ZFAND3: variants seen among roughly 807,000 people sequenced by gnomAD.
ZFAND3 encodes zinc finger AN1-type containing 3, also known as AN1-type zinc finger protein 3.
Under a neutral mutation model 29.6 loss-of-function variants are expected in ZFAND3, and 10 were observed. The observed-to-expected ratio is 0.34, with a 90% CI of 0.21 to 0.57. The LOEUF is 0.57. Among genes scored for constraint, ZFAND3 ranks in the 20% least tolerant of loss-of-function variants. The probability of loss-of-function intolerance (pLI) is 0.86; values close to 1 mark genes in which losing one functional copy is unlikely to be tolerated. For synonymous variants in ZFAND3, 128 were observed against 112.6 expected, an observed-to-expected ratio of 1.14 and a Z score of -0.87; for missense variants, 230 against 304.5, an observed-to-expected ratio of 0.76 and a Z score of 1.82.
At chr6:38,144,196 T>TATTATATATATATATATATATATA (rs1766033987) in intron 5 of ZFAND3, among the ~76,000 whole-genome samples, 1 of 41,094 alleles carries the variant, frequency 2.4e-5, no homozygotes, top group African/African-American at 1.1e-4. Context: ...TATATATATA[T>TATTATATATATATATATATATATA]ATATATATAT....
At chr6:37,899,248 C>T (rs1354679824) in intron 1 of ZFAND3, among the ~76,000 whole-genome samples, 1 of 152,120 alleles carries the variant, frequency 6.6e-6, no homozygotes, top group South Asian at 2.1e-4. Flanking sequence ...GATGTTGGCA[C>T]CACTAATCTT....
At chr6:38,118,879 G>A (rs1258631255) in intron 5 of ZFAND3, among the ~76,000 whole-genome samples, 1 of 152,136 alleles carries the variant, frequency 6.6e-6, no homozygotes, top group Non-Finnish European at 1.5e-5. Flanking sequence ...ACCTTTGTGG[G>A]CAGGAGGCTG....
chr6:38,089,469 C>T (rs576310854), intron 4 of ZFAND3, among the ~76,000 whole-genome samples: 1 of 152,250 alleles, frequency 6.6e-6, no homozygotes, highest in African/African-American at 2.4e-5. Flanking sequence ...GATATTGTTT[C>T]TTCTTGCAAA....
chr6:38,067,242 T>C (rs1764364660), intron 3 of ZFAND3, among the ~76,000 whole-genome samples: 1 of 152,218 alleles, frequency 6.6e-6, no homozygotes, highest in South Asian at 2.1e-4. Context: ...TCCATCTGTA[T>C]TTGGTTGAAA....
intron 1 of ZFAND3, among the ~76,000 whole-genome samples, chr6:37,929,515 T>C (rs1373292590): frequency 6.6e-6 from 1 of 152,234 alleles, no homozygotes; most frequent in Non-Finnish European, 1.5e-5. Context: ...GATAAATGAC[T>C]GTGTATATGA....
rs760606218 is a variant in ZFAND3, at chr6:37,983,520, C to T, written c.112+53521C>T. On this transcript the variant is annotated intron_variant, in intron 2 of 5. Coordinates refer to ENST00000287218, the MANE Select transcript of ZFAND3 (RefSeq NM_021943.3). ...GATTACAGGCATGAACCACCACACC[C>T]GGCTAATTTTGTATTTTTAGTAGAG... Among the ~76,000 whole-genome samples, 84 of 151,946 alleles carry T rather than the reference C, an allele frequency of 5.5e-4. 2 individuals are homozygous for T. Among genetic ancestry groups the T allele is most frequent in the Admixed American group, 4.4e-3 (67 of 15,276 alleles).
At chr6:37,869,403 C>T (rs936082116) in intron 1 of ZFAND3, among the ~76,000 whole-genome samples, 3 of 152,156 alleles carry the variant, frequency 2.0e-5, no homozygotes, top group East Asian at 3.8e-4. Flanking sequence ...AGGTGATCCA[C>T]GTACCTGGGC....
intron 2 of ZFAND3, among the ~76,000 whole-genome samples, chr6:38,035,474 C>T (rs1211070715): frequency 3.9e-5 from 6 of 152,102 alleles, no homozygotes; most frequent in Non-Finnish European, 8.8e-5. Context: ...AAATAATCCT[C>T]AAAAAGGGAG....
At chr6:37,945,418 C>CA (rs1366560028) in intron 2 of ZFAND3, among the ~76,000 whole-genome samples, 3 of 152,046 alleles carry the variant, frequency 2.0e-5, no homozygotes, top group Non-Finnish European at 4.4e-5. Flanking sequence ...TTTTTCAAGA[C>CA]AGAGTCTCGC....
At chr6:38,052,945 A>T (rs539321707) in intron 2 of ZFAND3, among the ~76,000 whole-genome samples, 1 of 152,126 alleles carries the variant, frequency 6.6e-6, no homozygotes, top group Non-Finnish European at 1.5e-5. Context: ...AAAGCAGGAG[A>T]ATTGCTCGAA....
intron 1 of ZFAND3, among the ~76,000 whole-genome samples, chr6:37,875,381 A>T (rs1235192401): frequency 1.3e-5 from 2 of 152,238 alleles, no homozygotes; most frequent in East Asian, 3.8e-4. Context: ...TATTCAAAAA[A>T]TAAACTTAAT....
At chr6:37,918,158 G>T (rs919309612) in intron 1 of ZFAND3, among the ~76,000 whole-genome samples, 1 of 151,230 alleles carries the variant, frequency 6.6e-6, no homozygotes, top group Non-Finnish European at 1.5e-5. Flanking sequence ...CTCACTGCAA[G>T]CTCTGCCTCA....
At chr6:38,112,710 CAA>C (rs1167260865) in intron 4 of ZFAND3, among the ~76,000 whole-genome samples, 1 of 152,120 alleles carries the variant, frequency 6.6e-6, no homozygotes, top group East Asian at 1.9e-4. Flanking sequence ...ATAAAACTTA[CAA>C]ATGAATAGTT....
intron 5 of ZFAND3, among the ~76,000 whole-genome samples, chr6:38,140,451 G>A (rs1765925320): frequency 3.9e-5 from 6 of 152,156 alleles, no homozygotes; most frequent in Admixed American, 2.6e-4. Context: ...TAATTGAAAA[G>A]GGTCATTAGA....
rs1183175809 is a variant in ZFAND3, at chr6:37,887,008, A to G, written c.72-42951A>G. Among the ~76,000 whole-genome samples the G allele has an allele frequency of 2.6e-5, 4 of 152,084 alleles. No individual in the cohort carries two copies. The East Asian group carries it at 7.7e-4, about 29-fold the overall frequency. On this transcript the variant is annotated intron_variant, in intron 1 of 5. Coordinates refer to ENST00000287218, the MANE Select transcript of ZFAND3 (RefSeq NM_021943.3). ...TGACAGAGTGAGACCCTGTCTCAAAAAAAGAACCAAAAACTGTTAGTTGTA... is the reference window on the plus strand; with the variant it reads ...TGACAGAGTGAGACCCTGTCTCAAAGAAAGAACCAAAAACTGTTAGTTGTA...
At position 37,820,034 on chromosome 6, in the gene ZFAND3, T is replaced by TGGGGGC; in HGVS notation, c.71+24_71+29dup. 3 of 582,368 alleles carry TGGGGGC rather than the reference T, an allele frequency of 5.2e-6. No homozygotes were observed. Among genetic ancestry groups the TGGGGGC allele is most frequent in the Non-Finnish European group, 7.1e-6 (3 of 422,392 alleles). The allele number at this position is 582,368 out of a possible 1,614,324, so 36.1% of individuals were successfully genotyped here. On this transcript the variant is annotated intron_variant, in intron 1 of 5. Coordinates refer to ENST00000287218, the MANE Select transcript of ZFAND3 (RefSeq NM_021943.3). ...TTCTGGGGGTAAGTGCCCGGCCGGG[T>TGGGGGC]GGGGGCGGGGGGCGGGGGCCGGGGG...
chr6:38,090,410 A>G (rs962799856), intron 4 of ZFAND3, among the ~76,000 whole-genome samples: 1 of 152,230 alleles, frequency 6.6e-6, no homozygotes, highest in Admixed American at 6.5e-5. Flanking sequence ...TGGCAAGGAA[A>G]AAGTATTTAA....
At chr6:37,940,813 G>A (rs1054650567) in intron 2 of ZFAND3, among the ~76,000 whole-genome samples, 3 of 152,132 alleles carry the variant, frequency 2.0e-5, no homozygotes, top group Non-Finnish European at 4.4e-5. Flanking sequence ...AATACCTTAA[G>A]ACTTCCGGCT....
At chr6:37,948,480 A>G (rs547699545) in intron 2 of ZFAND3, among the ~76,000 whole-genome samples, 4 of 152,160 alleles carry the variant, frequency 2.6e-5, no homozygotes, top group African/African-American at 9.6e-5. Context: ...TTTTGTTTTT[A>G]GACTTAGGGG....
Sources: gnomAD v4.1 joint callset for allele counts (sites outside exome capture counted in the v4.1 genomes callset) on GRCh38, gnomAD v4.1.1 for gene constraint, MANE v1.5 for transcripts, NCBI Gene and HGNC (gene_info 2026-07-23, HGNC 2026-07-21) for gene names.